The following PIK3R6 variants were observed in gnomAD, a reference collection of about 807,000 sequenced individuals.
PIK3R6 encodes the protein phosphoinositide-3-kinase regulatory subunit 6, also known as phosphoinositide 3-kinase regulatory subunit 6.
In PIK3R6, 91 loss-of-function variants were observed where a neutral mutation model predicts 84.9. The ratio of observed to expected loss-of-function variants is 1.07; its 90% CI spans 0.90 to 1.28. PIK3R6 has a LOEUF of 1.28. Among genes scored for constraint, PIK3R6 ranks in the 50% most tolerant of loss-of-function variants. The pLI, the probability that PIK3R6 is intolerant of heterozygous loss-of-function variation, is 0.00. For missense variants in PIK3R6, 996 were observed against 985.1 expected (o/e 1.01, Z -0.15); for synonymous variants, 416 against 411.4 (o/e 1.01, Z -0.13).
intron 3 of PIK3R6, 86 bp from the exon 4 acceptor site, chr17:8,838,741 G>A: frequency 7.6e-7 from 1 of 1,312,270 alleles, no homozygotes; most frequent in Non-Finnish European, 1.1e-6. Flanking sequence ...GAGCCCTGGA[G>A]CCTCAGCTGC....
chr17:8,828,896 C>T lies in PIK3R6; in HGVS notation c.984G>A (p.Arg328=), dbSNP rs769162625. The T allele has an allele frequency of 6.4e-7, 1 of 1,562,420 alleles. No individual in the cohort carries two copies. Among genetic ancestry groups the T allele is most frequent in the Non-Finnish European group, 8.7e-7 (1 of 1,154,174 alleles). ...VLDLQGLRPD[R]ELARVSVLST... ...ACAGCACAGAAACCCGGGCCAACTC[C>T]CGGTCCGGCCGGAGGCCCTGCAGAT... is the stretch of plus-strand genomic sequence containing the variant. Residue 328 remains arginine, a synonymous_variant, in exon 11 of 20, where the codon CGG becomes CGA. Coordinates refer to ENST00000619866, the MANE Select transcript of PIK3R6 (RefSeq NM_001010855.4).
intron 18 of PIK3R6, among the ~76,000 whole-genome samples, chr17:8,818,088 G>A (rs34969762): frequency 2.2e-3 from 339 of 152,322 alleles, no homozygotes; most frequent in Non-Finnish European, 4.0e-3. Flanking sequence ...AAGGATCCGC[G>A]TGAGCGGGAG....
At chr17:8,849,424 AACC>A (rs1241481231) in intron 2 of PIK3R6, among the ~76,000 whole-genome samples, 1 of 152,250 alleles carries the variant, frequency 6.6e-6, no homozygotes. Context: ...TTAGGAGGTT[AACC>A]AAGACTAAAT....
chr17:8,838,633 G>A lies in PIK3R6; in HGVS notation c.120C>T (p.His40=), dbSNP rs1278606879. Residue 40 remains histidine (H), a synonymous_variant, in exon 4 of 20, where the codon CAC becomes CAT. Transcript: ENST00000619866. ...SNQGMWRWSL[H]KKVERDPGKS... The stretch of plus-strand genomic sequence containing the variant: ...TACCGGGATCTCGCTCGACCTTCTT[G>A]TGCAGGGACCACCTCCACATGCCTG... 1 of 1,605,034 alleles carries A rather than the reference G, an allele frequency of 6.2e-7. No homozygotes were observed. Among genetic ancestry groups the A allele is most frequent in the East Asian group, 2.2e-5 (1 of 44,532 alleles).
Position 8,843,186 on chromosome 17 carries a change from A to G in PIK3R6, c.14-3489T>C, listed in dbSNP as rs563779528. Among the ~76,000 whole-genome samples, 11 of 152,348 alleles carry G rather than the reference A, an allele frequency of 7.2e-5. No individual in the cohort carries two copies. In the South Asian group the frequency reaches 2.3e-3, roughly 32 times the overall value. ...GTTGGTCACAGTCTTTCCTCCGTCT[A>G]TGCATTTCCACCTTGCATGAAGATT... On this transcript the variant is annotated intron_variant, in intron 2 of 19. Transcript: ENST00000619866.
intron 16 of PIK3R6, among the ~76,000 whole-genome samples, chr17:8,822,269 T>G (rs2087763818): frequency 6.6e-6 from 1 of 152,108 alleles, no homozygotes; most frequent in African/African-American, 2.4e-5. Context: ...GAGAGTATGT[T>G]CAGCCTTCCA....
At chr17:8,833,791 T>G (rs568528913) in intron 8 of PIK3R6, among the ~76,000 whole-genome samples, 1 of 151,958 alleles carries the variant, frequency 6.6e-6, no homozygotes, top group South Asian at 2.1e-4. Flanking sequence ...CTGCCTGCCT[T>G]GGCCTCCCAA....
rs2088408376 is a variant in PIK3R6, at chr17:8,835,133, C to T, written c.645+140G>A. 5 of 1,033,266 alleles carry T rather than the reference C, an allele frequency of 4.8e-6. No homozygotes were observed. In the Admixed American group the frequency reaches 9.0e-5, roughly 19 times the overall value. 64.0% of individuals were successfully genotyped at this position (1,033,266 alleles called of 1,614,324 possible). A position where few individuals can be genotyped will look rare whatever the true frequency, so the allele number is the denominator to read the frequency against. On this transcript the variant is annotated intron_variant, in intron 8 of 19. Coordinates refer to ENST00000619866, the MANE Select transcript of PIK3R6 (RefSeq NM_001010855.4). ...GGTTATAGGTGTGAGCCACTGCGCCCAGCCAAAATGTATTAATTTTTGATT... is the reference window on the plus strand; with the variant it reads ...GGTTATAGGTGTGAGCCACTGCGCCTAGCCAAAATGTATTAATTTTTGATT...
intron 18 of PIK3R6, among the ~76,000 whole-genome samples, chr17:8,815,592 T>C (rs1170890169): frequency 6.6e-6 from 1 of 152,066 alleles, no homozygotes; most frequent in African/African-American, 2.4e-5. Context: ...GTAAGTCAGA[T>C]GCTTTGGCCG....
intron 1 of PIK3R6, among the ~76,000 whole-genome samples, chr17:8,858,710 A>G (rs2151314219): frequency 6.6e-6 from 1 of 152,262 alleles, no homozygotes; most frequent in South Asian, 2.1e-4. Flanking sequence ...GGGTAGCCCT[A>G]TCCTACATTG....
chr17:8,849,000 C>A (rs1050036044), intron 2 of PIK3R6, among the ~76,000 whole-genome samples: 1 of 152,084 alleles, frequency 6.6e-6, no homozygotes, highest in African/African-American at 2.4e-5. Context: ...TTTGACTTTC[C>A]GGGTGACCAA....
At chr17:8,866,742 C>T (rs1229340514) in intron 1 of PIK3R6, among the ~76,000 whole-genome samples, 1 of 152,048 alleles carries the variant, frequency 6.6e-6, no homozygotes, top group Admixed American at 6.6e-5. Context: ...TCCACGGGAC[C>T]CTCCCTGAGC....
chr17:8,841,770 G>C (rs149758), intron 2 of PIK3R6, among the ~76,000 whole-genome samples: 1 of 152,100 alleles, frequency 6.6e-6, no homozygotes, highest in Non-Finnish European at 1.5e-5. Context: ...GTAGCTGTGA[G>C]AATGTACCTC....
rs2088706535 is a variant in PIK3R6 at position 8,842,420 on chromosome 17, C to G, written c.14-2723G>C. Among the ~76,000 whole-genome samples the G allele has an allele frequency of 6.6e-6, 1 of 152,030 alleles. No homozygotes were observed. The highest frequency in any genetic ancestry group is 1.5e-5 in the Non-Finnish European group (1 of 68,008). ...ATCAGTCCAAGGCATTTCCACTGAC[C>G]CTTCTTCCTTTTCTCCTTCATTTGG... On this transcript the variant is annotated intron_variant, in intron 2 of 19. Coordinates refer to ENST00000619866, the MANE Select transcript of PIK3R6 (RefSeq NM_001010855.4). This position sits in a 1 kb window ranked among gnomAD's most constrained non-coding sequence, Gnocchi z 4.5.
At position 8,842,579 on chromosome 17, in the gene PIK3R6, C is replaced by T. The variant is rs143399101; in HGVS notation, c.14-2882G>A. On this transcript the variant is annotated intron_variant, in intron 2 of 19. Coordinates refer to ENST00000619866, the MANE Select transcript of PIK3R6 (RefSeq NM_001010855.4). This position sits in a 1 kb window ranked among gnomAD's most constrained non-coding sequence, Gnocchi z 4.5. ...CAGATCCAGACTCAGACAAGAAGTA[C>T]GGGAAACACTCCTCACACAATAAAT... Among the ~76,000 whole-genome samples, 898 of 152,224 alleles carry T rather than the reference C, an allele frequency of 5.9e-3. 10 individuals carry two copies. Among genetic ancestry groups the T allele is most frequent in the African/African-American group, 0.02 (832 of 41,506 alleles).
chr17:8,812,634 A>G (rs996695296), intron 18 of PIK3R6, among the ~76,000 whole-genome samples: 14 of 152,236 alleles, frequency 9.2e-5, no homozygotes, highest in African/African-American at 3.4e-4. Context: ...ATGAGAATTA[A>G]ATAATTTGCT....
intron 18 of PIK3R6, among the ~76,000 whole-genome samples, chr17:8,811,366 T>C (rs1216405166): frequency 6.7e-6 from 1 of 148,584 alleles, no homozygotes; most frequent in Non-Finnish European, 1.5e-5. Context: ...ACCTCTGACA[T>C]GCCCTGGAGA....
chr17:8,815,870 C>T (rs1224293793), intron 18 of PIK3R6, among the ~76,000 whole-genome samples: 2 of 152,226 alleles, frequency 1.3e-5, no homozygotes, highest in Non-Finnish European at 2.9e-5. Context: ...AAATTTTTAT[C>T]TACAAGCCCA....
Position 8,832,940 on chromosome 17 carries a change from G to A in PIK3R6, c.751C>T (p.Leu251=), listed in dbSNP as rs1482480659. The change falls in exon 9 of 20, where the codon CTG becomes TTG. Residue 251 remains leucine (L), a synonymous_variant. Transcript: ENST00000619866. ...AGCAGCGAGCAGTAAATCTCCTCCA[G>A]CCTCTCTACGTGTCCCTCCCGGCTC... ...SPSREGHVER[L]EEIYCSLLGP... 2 of 1,612,884 alleles carry A rather than the reference G, an allele frequency of 1.2e-6. No homozygotes were observed. The highest frequency in any genetic ancestry group is 2.7e-5 in the African/African-American group (2 of 74,936).
Sources: gnomAD v4.1 joint callset for allele counts (sites outside exome capture counted in the v4.1 genomes callset) on GRCh38, gnomAD v4.1.1 for gene constraint, Gnocchi (gnomAD v3.1) non-coding constraint, MANE v1.5 for transcripts, NCBI Gene and HGNC (gene_info 2026-07-23, HGNC 2026-07-21) for gene names.